The following CDH13 variants were observed in gnomAD, a reference collection of about 807,000 sequenced individuals.
CDH13 encodes the protein cadherin 13, also known as cadherin-13.
A neutral mutation model predicts 63.8 loss-of-function variants in CDH13; 24 were observed. The ratio of observed to expected loss-of-function variants is 0.38; its 90% CI spans 0.27 to 0.53. The LOEUF is 0.53. CDH13 is among the 20% of genes least tolerant of loss of function. The probability of loss-of-function intolerance (pLI) is 0.85; values close to 1 mark genes in which losing one functional copy is unlikely to be tolerated. For synonymous variants in CDH13, 503 were observed against 355.3 expected (o/e 1.42, Z -4.67); for missense variants, 1,049 against 903.1 (o/e 1.16, Z -2.07).
At chr16:82,651,019 T>G (rs1168376916) in intron 1 of CDH13, among the ~76,000 whole-genome samples, 2 of 152,176 alleles carry the variant, frequency 1.3e-5, no homozygotes, top group Non-Finnish European at 2.9e-5. Context: ...ATGTGGTTTT[T>G]GGGGGAGAAA....
In CDH13 at chr16:82,958,434, T is replaced by C. The variant is rs140080693; in HGVS notation, c.158-73576T>C. On this transcript the variant is annotated intron_variant, in intron 2 of 13. Transcript: ENST00000567109. ...AGGCATAATGGAAAGGACCCAGTGA[T>C]GGTCCAGTGTCAGGGAGATGGCCCA... is the stretch of plus-strand genomic sequence containing the variant. 2.0e-5 allele frequency among the ~76,000 whole-genome samples: 3 copies of C among 152,352 alleles called. No individual in the cohort carries two copies. In the East Asian group the frequency reaches 5.8e-4, roughly 29 times the overall value.
chr16:83,649,285 A>G (rs190766786), intron 8 of CDH13, among the ~76,000 whole-genome samples: 1 of 152,268 alleles, frequency 6.6e-6, no homozygotes, highest in South Asian at 2.1e-4. Context: ...TTACATCTCA[A>G]CAGTGACCAT....
intron 7 of CDH13, among the ~76,000 whole-genome samples, chr16:83,596,130 G>C (rs9924176): frequency 0.063 from 9,637 of 152,232 alleles, 875 homozygotes; most frequent in African/African-American, 0.2. Context: ...TTGATCTTGA[G>C]AATGGGGTTG....
chr16:83,137,449 C>T (rs773039844), intron 4 of CDH13, among the ~76,000 whole-genome samples: 48 of 152,140 alleles, frequency 3.2e-4, no homozygotes, highest in Middle Eastern at 3.2e-3. Context: ...CGTGTTTGTG[C>T]GCTGAGTCAG....
At chr16:83,187,309 A>T (rs977177093) in intron 4 of CDH13, among the ~76,000 whole-genome samples, 1 of 152,138 alleles carries the variant, frequency 6.6e-6, no homozygotes, top group Non-Finnish European at 1.5e-5. Flanking sequence ...CAGTCACTCA[A>T]AGGAAGAAGG....
chr16:82,638,603 C>G (rs59249080), intron 1 of CDH13, among the ~76,000 whole-genome samples: 1,600 of 152,128 alleles, frequency 0.011, 39 homozygotes, highest in African/African-American at 0.036. Flanking sequence ...ATGTGACTCA[C>G]TTAAGGGGGG....
At chr16:83,242,112 A>T (rs917492884) in intron 5 of CDH13, among the ~76,000 whole-genome samples, 1 of 152,156 alleles carries the variant, frequency 6.6e-6, no homozygotes, top group African/African-American at 2.4e-5. Context: ...TAGTCCTGGC[A>T]CCTTTGTCAA....
chr16:83,469,263 A>G (rs1248142543), intron 6 of CDH13, among the ~76,000 whole-genome samples: 1 of 152,172 alleles, frequency 6.6e-6, no homozygotes, highest in Admixed American at 6.5e-5. Flanking sequence ...CAGTGTGTCC[A>G]GTCTTATAGC....
At chr16:82,779,841 G>C (rs1256635982) in intron 1 of CDH13, among the ~76,000 whole-genome samples, 1 of 145,932 alleles carries the variant, frequency 6.9e-6, no homozygotes, top group Non-Finnish European at 1.5e-5. Flanking sequence ...GGAAAGGTGG[G>C]AGGTCATGGC....
intron 3 of CDH13, among the ~76,000 whole-genome samples, chr16:83,062,455 C>T (rs2031648495): frequency 1.3e-5 from 2 of 152,180 alleles, no homozygotes; most frequent in South Asian, 4.1e-4. Flanking sequence ...AAGTGAATTT[C>T]TAATCGAATA....
At chr16:83,320,034 G>A (rs2090187409) in intron 5 of CDH13, among the ~76,000 whole-genome samples, 1 of 152,162 alleles carries the variant, frequency 6.6e-6, no homozygotes, top group Admixed American at 6.5e-5. Context: ...GACTTGGACT[G>A]TCTTGGACTG....
chr16:82,972,497 G>C (rs966351787), intron 2 of CDH13, among the ~76,000 whole-genome samples: 1 of 152,158 alleles, frequency 6.6e-6, no homozygotes, highest in Non-Finnish European at 1.5e-5. Flanking sequence ...GCAAGTTGTT[G>C]CTAGCCTTGG....
At chr16:83,007,554 G>T (rs1329277435) in intron 2 of CDH13, among the ~76,000 whole-genome samples, 2 of 152,154 alleles carry the variant, frequency 1.3e-5, no homozygotes, top group South Asian at 2.1e-4. Flanking sequence ...TTAAGGCCGG[G>T]CTCAGTGGCT....
intron 7 of CDH13, among the ~76,000 whole-genome samples, chr16:83,508,621 A>T (rs4782541): frequency 6.6e-6 from 1 of 151,932 alleles, no homozygotes; most frequent in Non-Finnish European, 1.5e-5. Flanking sequence ...ACTTCGAGAT[A>T]TGTTCTCCCG....
chr16:82,643,524 T>C (rs748840475), intron 1 of CDH13, among the ~76,000 whole-genome samples: 22 of 152,220 alleles, frequency 1.4e-4, no homozygotes, highest in Non-Finnish European at 3.1e-4. Context: ...GGTTCTTACA[T>C]GTGTTTCATT....
intron 6 of CDH13, among the ~76,000 whole-genome samples, chr16:83,387,550 C>G (rs924861944): frequency 6.6e-6 from 1 of 152,134 alleles, no homozygotes; most frequent in Non-Finnish European, 1.5e-5. Context: ...AACCTCCTCC[C>G]TTAAATAGTG....
intron 6 of CDH13, among the ~76,000 whole-genome samples, chr16:83,471,800 A>G (rs2073460889): frequency 6.6e-6 from 1 of 152,182 alleles, no homozygotes; most frequent in African/African-American, 2.4e-5. Context: ...GCAACTTGCA[A>G]GGAAGAGTCA....
Position 83,028,571 on chromosome 16 carries a change from T to C in CDH13, c.158-3439T>C, listed in dbSNP as rs144004680. Among the ~76,000 whole-genome samples the C allele has an allele frequency of 3.5e-3, 530 of 152,326 alleles. 3 individuals are homozygous for C. Among genetic ancestry groups the C allele is most frequent in the African/African-American group, 0.012 (496 of 41,568 alleles). ...GGATGTGTCACAAGACCTACGTAGA[T>C]ACCTCAGTCCGTGGATACTACCCAA... is the stretch of plus-strand genomic sequence containing the variant. On this transcript the variant is annotated intron_variant, in intron 2 of 13. Transcript: ENST00000567109.
chr16:83,770,894 C>G (rs1737125851), intron 11 of CDH13, among the ~76,000 whole-genome samples: 1 of 152,096 alleles, frequency 6.6e-6, no homozygotes, highest in Admixed American at 6.5e-5. Flanking sequence ...ACTTAGAATG[C>G]CTTAACCACC....
Sources: allele counts gnomAD v4.1 joint callset (sites outside exome capture counted in the v4.1 genomes callset), GRCh38; gene constraint gnomAD v4.1.1; transcripts MANE v1.5; gene names NCBI Gene and HGNC (gene_info 2026-07-23, HGNC 2026-07-21).